Variants in KCNIP4 observed in about 807,000 individuals in gnomAD.
The protein encoded by KCNIP4 is potassium voltage-gated channel interacting protein 4, also known as Kv channel-interacting protein 4.
In KCNIP4, 12 loss-of-function variants were observed where a neutral mutation model predicts 34.0. The ratio of observed to expected loss-of-function variants is 0.35; its 90% CI spans 0.23 to 0.57. The LOEUF is 0.57. Ranked by LOEUF, KCNIP4 falls within the 20% of genes least tolerant of loss-of-function variation. The pLI, the probability that KCNIP4 is intolerant of heterozygous loss-of-function variation, is 0.83. For synonymous variants in KCNIP4, 124 were observed against 102.2 expected (o/e 1.21, Z -1.29); for missense variants, 238 against 311.7 (o/e 0.76, Z 1.78).
At chr4:21,497,952 T>C (rs527254134) in intron 1 of KCNIP4, among the ~76,000 whole-genome samples, 1 of 152,294 alleles carries the variant, frequency 6.6e-6, no homozygotes, top group East Asian at 1.9e-4. Context: ...TGCAAAGATA[T>C]CTGTCTTTAT....
intron 1 of KCNIP4, among the ~76,000 whole-genome samples, chr4:21,908,456 T>A (rs1728117656): frequency 6.6e-6 from 1 of 152,184 alleles, no homozygotes; most frequent in Non-Finnish European, 1.5e-5. Flanking sequence ...CTTATCCTTG[T>A]AATACAGGCA....
chr4:21,806,074 A>G (rs1721273404), intron 1 of KCNIP4, among the ~76,000 whole-genome samples: 1 of 152,230 alleles, frequency 6.6e-6, no homozygotes, highest in Non-Finnish European at 1.5e-5. Flanking sequence ...CTAATAAAAC[A>G]GCATGGTAGT....
At chr4:21,297,433 C>T (rs1028085915) in intron 1 of KCNIP4, among the ~76,000 whole-genome samples, 15 of 152,114 alleles carry the variant, frequency 9.9e-5, no homozygotes, top group Admixed American at 1.3e-4. Context: ...CACTATCACT[C>T]GGCCCTAAAT....
At chr4:21,408,592 T>A (rs1724211745) in intron 1 of KCNIP4, among the ~76,000 whole-genome samples, 1 of 152,252 alleles carries the variant, frequency 6.6e-6, no homozygotes, top group African/African-American at 2.4e-5. Flanking sequence ...TCAGTGCAAT[T>A]GTTTCAATTC....
intron 1 of KCNIP4, among the ~76,000 whole-genome samples, chr4:21,405,448 G>A (rs187343973): frequency 3.9e-5 from 6 of 152,138 alleles, no homozygotes; most frequent in East Asian, 1.9e-4. Flanking sequence ...TCTCAAACAC[G>A]TCAGCAGGTA....
intron 1 of KCNIP4, among the ~76,000 whole-genome samples, chr4:21,758,159 A>G (rs1052779030): frequency 6.6e-6 from 1 of 152,212 alleles, no homozygotes; most frequent in Middle Eastern, 3.2e-3. Context: ...CATTCATTCA[A>G]TTAAAGTTTT....
intron 1 of KCNIP4, among the ~76,000 whole-genome samples, chr4:20,981,675 T>G (rs1415545359): frequency 6.6e-6 from 1 of 152,184 alleles, no homozygotes; most frequent in East Asian, 1.9e-4. Flanking sequence ...CTAACATGTA[T>G]TTCAGAGGAA....
chr4:20,959,446 G>T (rs895122598), intron 1 of KCNIP4, among the ~76,000 whole-genome samples: 13 of 152,204 alleles, frequency 8.5e-5, no homozygotes, highest in African/African-American at 2.9e-4. Context: ...GTATCTGCAA[G>T]AAAGGGTATG....
chr4:21,549,474 T>C (rs932733751), intron 1 of KCNIP4, among the ~76,000 whole-genome samples: 3 of 151,918 alleles, frequency 2.0e-5, no homozygotes, highest in Non-Finnish European at 4.4e-5. Flanking sequence ...ACATTTCTCT[T>C]GCTCCCTCTC....
chr4:21,763,174 A>G, intron 1 of KCNIP4: 1 of 1,150,244 alleles, frequency 8.7e-7, no homozygotes, highest in Non-Finnish European at 1.1e-6. Context: ...TGTGAAGAAC[A>G]TTGCCCAGAT....
At chr4:21,363,760 T>C (rs1297633682) in intron 1 of KCNIP4, among the ~76,000 whole-genome samples, 1 of 152,182 alleles carries the variant, frequency 6.6e-6, no homozygotes, top group Non-Finnish European at 1.5e-5. Flanking sequence ...GCCCTCATTT[T>C]AGTGTTGAAA....
intron 3 of KCNIP4, among the ~76,000 whole-genome samples, chr4:20,775,768 A>G (rs1756321643): frequency 6.6e-6 from 1 of 152,162 alleles, no homozygotes; most frequent in Non-Finnish European, 1.5e-5. Flanking sequence ...CACATGGTAC[A>G]GATGGTTAGA....
chr4:21,114,443 A>T (rs1392751865), intron 1 of KCNIP4, among the ~76,000 whole-genome samples: 1 of 152,156 alleles, frequency 6.6e-6, no homozygotes, highest in Non-Finnish European at 1.5e-5. Context: ...TTTTAGTAAG[A>T]ATATCTTCAC....
At chr4:20,839,506 A>G (rs1249267428) in intron 3 of KCNIP4, among the ~76,000 whole-genome samples, 3 of 149,148 alleles carry the variant, frequency 2.0e-5, no homozygotes, top group Non-Finnish European at 4.4e-5. Flanking sequence ...ATATATATAT[A>G]TATAGATAGG....
At position 21,063,341 on chromosome 4, in the gene KCNIP4, T is replaced by C. The variant is rs1318696494; in HGVS notation, c.62-180632A>G. Among the ~76,000 whole-genome samples the C allele has an allele frequency of 2.0e-5, 3 of 152,340 alleles. No individual in the cohort carries two copies. In the East Asian group the frequency reaches 5.8e-4, roughly 29 times the overall value. Reference sequence around the variant, plus strand: ...CACTAAAGTTAAATATTTTAAATTCTGGAATCAGTAAACAAACCCTGCTAC... The same window carrying C: ...CACTAAAGTTAAATATTTTAAATTCCGGAATCAGTAAACAAACCCTGCTAC... On this transcript the variant is annotated intron_variant, in intron 1 of 8. Transcript: ENST00000382152.
chr4:21,175,200 G>T (rs956845780), intron 1 of KCNIP4, among the ~76,000 whole-genome samples: 2 of 151,872 alleles, frequency 1.3e-5, no homozygotes, highest in African/African-American at 4.8e-5. Context: ...CTTTCTCAAG[G>T]ATTTGGGACT....
chr4:21,519,722 A>G lies in KCNIP4; in HGVS notation c.61+428849T>C, dbSNP rs574471066. Among the ~76,000 whole-genome samples, 170 of 123,958 alleles carry G rather than the reference A, an allele frequency of 1.4e-3. 8 individuals are homozygous for G. Among genetic ancestry groups the G allele is most frequent in the African/African-American group, 5.1e-3 (156 of 30,298 alleles). The allele number at this position is 123,958 out of a possible 152,430, so 81.3% of individuals were successfully genotyped here. A position where few individuals can be genotyped will look rare whatever the true frequency, so the allele number is the denominator to read the frequency against. ...TGTGTGTATGTATGTGTATATATACACACGTGTGTATATGTATGATACACA... is the reference window on the plus strand; with the variant it reads ...TGTGTGTATGTATGTGTATATATACGCACGTGTGTATATGTATGATACACA... On this transcript the variant is annotated intron_variant, in intron 1 of 8. Coordinates refer to ENST00000382152, the MANE Select transcript of KCNIP4 (RefSeq NM_025221.6).
At chr4:21,654,517 G>C (rs1019434148) in intron 1 of KCNIP4, among the ~76,000 whole-genome samples, 1 of 151,204 alleles carries the variant, frequency 6.6e-6, no homozygotes, top group Non-Finnish European at 1.5e-5. Context: ...TTTATCTAAA[G>C]ATACCTAAAG....
At chr4:20,778,343 A>G (rs1756559216) in intron 3 of KCNIP4, among the ~76,000 whole-genome samples, 1 of 152,200 alleles carries the variant, frequency 6.6e-6, no homozygotes, top group Admixed American at 6.5e-5. Context: ...ATATTTGTAG[A>G]ACCTTAAATT....
Sources: gnomAD v4.1 joint callset for allele counts (sites outside exome capture counted in the v4.1 genomes callset) on GRCh38, gnomAD v4.1.1 for gene constraint, MANE v1.5 for transcripts, NCBI Gene and HGNC (gene_info 2026-07-23, HGNC 2026-07-21) for gene names.